THEMIS2: variants seen among roughly 807,000 people sequenced by gnomAD.
THEMIS2 encodes protein THEMIS2.
A neutral mutation model predicts 46.8 loss-of-function variants in THEMIS2; 29 were observed. That is an observed-to-expected ratio of 0.62 (90% CI 0.46 to 0.84). The LOEUF is 0.84. Among genes scored for constraint, THEMIS2 ranks in the 40% least tolerant of loss-of-function variants. THEMIS2 has a pLI of 0.00. For synonymous variants in THEMIS2, 335 were observed against 349.1 expected, an observed-to-expected ratio of 0.96 and a Z score of 0.45; for missense variants, 698 against 834.7, an observed-to-expected ratio of 0.84 and a Z score of 2.02.
chr1:27,878,117 T>G (rs1394843033), intron 2 of THEMIS2, among the ~76,000 whole-genome samples: 2 of 115,084 alleles, frequency 1.7e-5, no homozygotes, highest in African/African-American at 7.8e-5. Flanking sequence ...AGAGACTCTG[T>G]CTCTCAAAAA....
Position 27,879,550 on chromosome 1 carries a change from A to G in THEMIS2, c.236-94A>G. The G allele has an allele frequency of 1.8e-5, 21 of 1,153,358 alleles. 1 individual carries two copies. The South Asian group carries it at 2.6e-4, about 14-fold the overall frequency. 71.4% of individuals were successfully genotyped at this position (1,153,358 alleles called of 1,614,324 possible). On this transcript the variant is annotated intron_variant, in intron 2 of 5. Coordinates refer to ENST00000373921, the MANE Select transcript of THEMIS2 (RefSeq NM_001105556.3). ...GTCCCTGGGGGATTCTGGCTGGGTCATCTGCAGGGCCAGACTGGGGTCTGG... is the reference window on the plus strand; with the variant it reads ...GTCCCTGGGGGATTCTGGCTGGGTCGTCTGCAGGGCCAGACTGGGGTCTGG...
chr1:27,882,832 G>C lies in THEMIS2; in HGVS notation c.1508G>C (p.Arg503Pro). 1.9e-6 allele frequency: 3 copies of C among 1,613,896 alleles called. No homozygotes were observed. The highest frequency in any genetic ancestry group is 2.5e-6 in the Non-Finnish European group (3 of 1,179,908). The part of the protein sequence containing the change: ...EPGMCFEIPP[R>P]WLDLTVVKAK... ...GGGATGTGCTTTGAGATCCCTCCCC[G>C]GTGGCTGGACCTGACTGTTGTGAAG... Residue 503 changes from arginine to proline, a missense_variant, in exon 4 of 6, where the codon CGG becomes CCG. Physicochemically the swap from Arg to Pro is moderately radical, Grantham distance 103. Coordinates refer to ENST00000373921, the MANE Select transcript of THEMIS2 (RefSeq NM_001105556.3). The surrounding 1 kb of genome is among the most constrained non-coding windows in gnomAD (Gnocchi z 7.6).
In THEMIS2 at chr1:27,882,565, C is replaced by T. The variant is rs2089701601; in HGVS notation, c.1241C>T (p.Ala414Val). ...EDEEEECKEE[A>V]ESPERVLLPF... ...GAGGAGGAAGAGTGCAAAGAGGAGG[C>T]AGAGAGCCCAGAGCGGGTCCTGCTG... Residue 414 changes from alanine to valine, a missense_variant, in exon 4 of 6, where the codon GCA becomes GTA. By Grantham distance (64) the Ala-to-Val change is moderately conservative. Transcript: ENST00000373921. This position sits in a 1 kb window ranked among gnomAD's most constrained non-coding sequence, Gnocchi z 7.6. 2 of 1,614,052 alleles carry T rather than the reference C, an allele frequency of 1.2e-6. No homozygotes were observed. Among genetic ancestry groups the T allele is most frequent in the Non-Finnish European group, 1.7e-6 (2 of 1,180,026 alleles).
rs770915722 is a variant in THEMIS2, at chr1:27,882,976, C to A, written c.1652C>A (p.Pro551Gln). The A allele has an allele frequency of 3.2e-5, 52 of 1,613,828 alleles. No homozygotes were observed. The highest frequency in any genetic ancestry group is 3.9e-5 in the Non-Finnish European group (46 of 1,179,962). Residue 551 changes from proline to glutamine, a missense_variant, in exon 4 of 6, where the codon CCA (proline) becomes CAA (glutamine). By Grantham distance (76) the Pro-to-Gln change is moderately conservative. Transcript: ENST00000373921. The surrounding 1 kb of genome is among the most constrained non-coding windows in gnomAD (Gnocchi z 7.6). ...KLPACEIQAP[P>Q]PRPPKNQGLS... ...CCAGCCTGTGAGATCCAAGCCCCCC[C>A]ACCCAGGCCCCCTAAAAATCAGGGC... is the stretch of plus-strand genomic sequence containing the variant.
Sources: allele counts gnomAD v4.1 joint callset (sites outside exome capture counted in the v4.1 genomes callset), GRCh38; gene constraint gnomAD v4.1.1; non-coding constraint Gnocchi (gnomAD v3.1); transcripts MANE v1.5; gene names NCBI Gene and HGNC (gene_info 2026-07-23, HGNC 2026-07-21).